VPS39: variants seen among roughly 807,000 people sequenced by gnomAD.
The protein encoded by VPS39 is VPS39 subunit of HOPS complex, also known as vam6/Vps39-like protein.
A neutral mutation model predicts 121.0 loss-of-function variants in VPS39; 70 were observed. The observed-to-expected ratio is 0.58, with a 90% CI of 0.48 to 0.71. The LOEUF is 0.71. Ranked by LOEUF, VPS39 falls within the 30% of genes least tolerant of loss-of-function variation. The pLI, the probability that VPS39 is intolerant of heterozygous loss-of-function variation, is 0.00. For synonymous variants in VPS39, 378 were observed against 398.1 expected, an observed-to-expected ratio of 0.95 and a Z score of 0.60; for missense variants, 818 against 1,051.5, an observed-to-expected ratio of 0.78 and a Z score of 3.07.
Position 42,162,186 on chromosome 15 carries a change from T to G in VPS39, c.2326-20A>C. 1.2e-6 allele frequency: 2 copies of G among 1,614,042 alleles called. No individual in the cohort carries two copies. The highest frequency in any genetic ancestry group is 1.3e-5 in the African/African-American group (1 of 75,034). ...GAGGGCCTAGGGACAGGAACAGAGATAGGGACTGGGTGAGGTGAACAGGAG... is the reference window on the plus strand; with the variant it reads ...GAGGGCCTAGGGACAGGAACAGAGAGAGGGACTGGGTGAGGTGAACAGGAG... On this transcript the variant is annotated intron_variant, in intron 22 of 24. Coordinates refer to ENST00000318006, the MANE Select transcript of VPS39 (RefSeq NM_015289.5).
Position 42,208,236 on chromosome 15 carries a change from G to A in VPS39, c.-83C>T, listed in dbSNP as rs1279377566. ...GGGTCCGGAACGAGTCTGGGCTAAG[G>A]GTAGACCGGGATCCGGCCAGGAACC... is the stretch of plus-strand genomic sequence containing the variant. On this transcript the variant is annotated 5_prime_UTR_variant, in exon 1 of 25. Transcript: ENST00000318006. 2.0e-6 allele frequency: 3 copies of A among 1,514,062 alleles called. No individual in the cohort carries two copies. The highest frequency in any genetic ancestry group is 1.4e-5 in the African/African-American group (1 of 72,168). The allele number at this position is 1,514,062 out of a possible 1,614,324, so 93.8% of individuals were successfully genotyped here. A position where few individuals can be genotyped will look rare whatever the true frequency, so the allele number is the denominator to read the frequency against.
intron 7 of VPS39, 24 bp from the exon 8 acceptor site, chr15:42,184,724 C>G (rs1187549978): frequency 6.3e-7 from 1 of 1,588,850 alleles, no homozygotes; most frequent in Admixed American, 1.8e-5. Context: ...CAGAGTGAGT[C>G]ACCTAGCATT....
intron 1 of VPS39, among the ~76,000 whole-genome samples, chr15:42,202,548 G>A (rs548248898): frequency 9.9e-4 from 151 of 152,262 alleles, no homozygotes; most frequent in African/African-American, 3.4e-3. Flanking sequence ...ATAAAATGAA[G>A]TGGAAATTTT....
Position 42,161,991 on chromosome 15 carries a change from AG to A in VPS39, c.2460+40del, listed in dbSNP as rs766659607. The A allele has an allele frequency of 1.2e-5, 19 of 1,612,554 alleles. No individual in the cohort carries two copies. In the African/African-American group the frequency reaches 2.0e-4, roughly 17 times the overall value. On this transcript the variant is annotated intron_variant, in intron 23 of 24. Coordinates refer to ENST00000318006, the MANE Select transcript of VPS39 (RefSeq NM_015289.5). ...CATGTGGACATTGTCTCATACTAAA[AG>A]TTAAAAGCCCACCCTAGAGTTTGGA...
At position 42,197,104 on chromosome 15, in the gene VPS39, T is replaced by C. The variant is rs1395095690; in HGVS notation, c.139+2792A>G. ...AAAACCAAACACTGCATGTTCTCACTCATAGGTGGGAATTGAACAATGAGA... is the reference window on the plus strand; with the variant it reads ...AAAACCAAACACTGCATGTTCTCACCCATAGGTGGGAATTGAACAATGAGA... On this transcript the variant is annotated intron_variant, in intron 2 of 24. Coordinates refer to ENST00000318006, the MANE Select transcript of VPS39 (RefSeq NM_015289.5). 4.3e-5 allele frequency among the ~76,000 whole-genome samples: 6 copies of C among 139,806 alleles called. No homozygotes were observed. The East Asian group carries it at 1.3e-3, about 30-fold the overall frequency. The allele number at this position is 139,806 out of a possible 152,430, so 91.7% of individuals were successfully genotyped here. A position where few individuals can be genotyped will look rare whatever the true frequency, so the allele number is the denominator to read the frequency against.
At chr15:42,169,640 A>G in intron 12 of VPS39, 84 bp downstream of exon 12, 1 of 1,448,786 alleles carries the variant, frequency 6.9e-7, no homozygotes, top group Non-Finnish European at 9.3e-7. Context: ...TTGGCATTAG[A>G]GAAGGCCCTC....
At chr15:42,164,255 C>T (rs2140836174) in intron 19 of VPS39, 103 bp downstream of exon 19, 2 of 1,527,254 alleles carry the variant, frequency 1.3e-6, no homozygotes, top group East Asian at 2.3e-5. Flanking sequence ...CCTGGTTTTT[C>T]CAGGCCCAAC....
At position 42,165,702 on chromosome 15, in the gene VPS39, C is replaced by A. The variant is rs200469742; in HGVS notation, c.1779+16G>T. ...TGGGTTTAAAGCTTTTTAGTGCAGA[C>A]CAAAAAATACCTTACCAGATAAGGA... On this transcript the variant is annotated intron_variant, in intron 17 of 24. Transcript: ENST00000318006. 13 of 1,611,186 alleles carry A rather than the reference C, an allele frequency of 8.1e-6. No individual in the cohort carries two copies. In the African/African-American group the frequency reaches 1.2e-4, roughly 15 times the overall value.
At chr15:42,190,957 G>A (rs1014134372) in intron 4 of VPS39, among the ~76,000 whole-genome samples, 168 bp downstream of exon 4, 1 of 152,210 alleles carries the variant, frequency 6.6e-6, no homozygotes, top group African/African-American at 2.4e-5. Flanking sequence ...AAGAGTTCGA[G>A]TCTATGGAGG....
chr15:42,184,685 A>C lies in VPS39; in HGVS notation c.550T>G (p.Ser184Ala). The change falls in exon 8 of 25, where the codon TCC becomes GCC. Residue 184 changes from serine to alanine, a missense_variant. Transcript: ENST00000318006. Reference sequence around the variant, plus strand: ...CCTGTTGGAAAGAGCTCTTTGATGGACCCCTTTCCATCCACCTATAGGAAG... The same window carrying C: ...CCTGTTGGAAAGAGCTCTTTGATGGCCCCCTTTCCATCCACCTATAGGAAG... ...YYLIRVDGKG[S>A]IKELFPTGKQ... 6.2e-7 allele frequency: 1 copy of C among 1,612,150 alleles called. No individual in the cohort carries two copies. The highest frequency in any genetic ancestry group is 8.5e-7 in the Non-Finnish European group (1 of 1,178,964).
chr15:42,208,028 TC>T, intron 1 of VPS39, 52 bp downstream of exon 1: 1 of 1,545,116 alleles, frequency 6.5e-7, no homozygotes. Context: ...TCAGAAAAGA[TC>T]CGGACCGCTC....
chr15:42,175,254 A>G (rs941425536), intron 10 of VPS39, among the ~76,000 whole-genome samples: 2 of 150,960 alleles, frequency 1.3e-5, no homozygotes, highest in Non-Finnish European at 3.0e-5. Flanking sequence ...CTAAAATACA[A>G]AAAATTAGCT....
chr15:42,197,172 G>A (rs1450270370), intron 2 of VPS39, among the ~76,000 whole-genome samples: 1 of 114,184 alleles, frequency 8.8e-6, no homozygotes, highest in Non-Finnish European at 1.7e-5. Flanking sequence ...CTGGGGGCCT[G>A]TCGTGGGGTG....
intron 2 of VPS39, among the ~76,000 whole-genome samples, chr15:42,194,607 C>T (rs918034522): frequency 6.6e-6 from 1 of 151,962 alleles, no homozygotes; most frequent in Non-Finnish European, 1.5e-5. Context: ...CTGGTGTGTG[C>T]CGGTAGTCCT....
chr15:42,161,696 C>T lies in VPS39; in HGVS notation c.2538G>A (p.Lys846=). Residue 846 remains lysine, a synonymous_variant, in exon 24 of 25, where the codon AAG becomes AAA. Coordinates refer to ENST00000318006, the MANE Select transcript of VPS39 (RefSeq NM_015289.5). ...TEEKVCMVCK[K]KIGNSAFARY... ...AGGAGGCTCACCTGTTCCCAATCTT[C>T]TTCTTACACACCATGCACACCTTCT... is the stretch of plus-strand genomic sequence containing the variant. 3 of 1,614,250 alleles carry T rather than the reference C, an allele frequency of 1.9e-6. No individual in the cohort carries two copies. Among genetic ancestry groups the T allele is most frequent in the Non-Finnish European group, 2.5e-6 (3 of 1,180,048 alleles).
At chr15:42,176,055 T>C (rs1407887771) in intron 10 of VPS39, among the ~76,000 whole-genome samples, 1 of 152,162 alleles carries the variant, frequency 6.6e-6, no homozygotes, top group Non-Finnish European at 1.5e-5. Context: ...AAATAAAAGA[T>C]AGGTTCTTCC....
chr15:42,181,240 C>T (rs1471877780), intron 8 of VPS39, among the ~76,000 whole-genome samples: 1 of 151,986 alleles, frequency 6.6e-6, no homozygotes, highest in African/African-American at 2.4e-5. Context: ...TTTTAAGGTT[C>T]AGCCTTAAAA....
At chr15:42,194,087 A>C (rs573829595) in intron 2 of VPS39, among the ~76,000 whole-genome samples, 1 of 152,340 alleles carries the variant, frequency 6.6e-6, no homozygotes, top group African/African-American at 2.4e-5. Flanking sequence ...ATGTGTTGCC[A>C]AAAGTCAAAA....
chr15:42,199,880 A>G lies in VPS39; in HGVS notation c.139+16T>C. 1 of 1,564,152 alleles carries G rather than the reference A, an allele frequency of 6.4e-7. No homozygotes were observed. The highest frequency in any genetic ancestry group is 2.4e-5 in the East Asian group (1 of 42,478). ...CTATTAAAACTTATTTTTTTGCATG[A>G]GCAATGTGCACTTACCAACGTCCTT... On this transcript the variant is annotated intron_variant, in intron 2 of 24. Coordinates refer to ENST00000318006, the MANE Select transcript of VPS39 (RefSeq NM_015289.5).
Sources: gnomAD v4.1 joint callset for allele counts (sites outside exome capture counted in the v4.1 genomes callset) on GRCh38, gnomAD v4.1.1 for gene constraint, MANE v1.5 for transcripts, NCBI Gene and HGNC (gene_info 2026-07-23, HGNC 2026-07-21) for gene names.